Variants in ZNF827 observed in about 807,000 individuals in gnomAD.
The protein encoded by ZNF827 is zinc finger protein 827.
In ZNF827, 13 loss-of-function variants were observed where a neutral mutation model predicts 102.4. The observed-to-expected ratio is 0.13, with a 90% CI of 0.08 to 0.20. The LOEUF (loss-of-function observed/expected upper bound fraction) is 0.20. Ranked by LOEUF, ZNF827 falls within the 10% of genes least tolerant of loss-of-function variation. The probability of loss-of-function intolerance (pLI) is 1.00; values close to 1 mark genes in which losing one functional copy is unlikely to be tolerated. For synonymous variants in ZNF827, 523 were observed against 536.2 expected (o/e 0.98, Z 0.34); for missense variants, 1,103 against 1,344.4 (o/e 0.82, Z 2.81).
At chr4:145,896,770 A>G (rs1006650797) in intron 2 of ZNF827, among the ~76,000 whole-genome samples, 3 of 152,224 alleles carry the variant, frequency 2.0e-5, no homozygotes, top group Non-Finnish European at 4.4e-5. Context: ...GCTATTTCCA[A>G]AAATGAACCT....
At position 145,902,958 on chromosome 4, in the gene ZNF827, G is replaced by T. The variant is rs1335269925; in HGVS notation, c.301C>A (p.Leu101Ile). 2 of 1,614,054 alleles carry T rather than the reference G, an allele frequency of 1.2e-6. No individual in the cohort carries two copies. The change falls in exon 2 of 15, where the codon CTT becomes ATT. Residue 101 changes from leucine (L) to isoleucine (I), a missense_variant. Physicochemically the swap from Leu to Ile is conservative, Grantham distance 5. Coordinates refer to ENST00000508784, the MANE Select transcript of ZNF827 (RefSeq NM_001306215.2). The surrounding 1 kb of genome is among the most constrained non-coding windows in gnomAD (Gnocchi z 4.3). ...CACAAAGAAGACACTCCCGGGGAAA[G>T]GTGATCTTGACACTGCAGTGAGTCT... is the stretch of plus-strand genomic sequence containing the variant. ...LRDSLQCQDH[L>I]SPGVSSLCDD...
At chr4:145,924,479 A>G (rs62326216) in intron 1 of ZNF827, among the ~76,000 whole-genome samples, 22,404 of 152,214 alleles carry the variant, frequency 0.15, 1,919 homozygotes, top group South Asian at 0.23. Flanking sequence ...TTGAGGAACC[A>G]AAGAGGTAAG....
intron 8 of ZNF827, among the ~76,000 whole-genome samples, chr4:145,779,962 G>A (rs1482301998): frequency 6.6e-6 from 1 of 152,180 alleles, no homozygotes; most frequent in Non-Finnish European, 1.5e-5. Context: ...AGGCTGAGGC[G>A]AGTAGATCAC....
chr4:145,869,182 A>G (rs1748471494), intron 5 of ZNF827, among the ~76,000 whole-genome samples: 1 of 152,244 alleles, frequency 6.6e-6, no homozygotes, highest in African/African-American at 2.4e-5. Flanking sequence ...CTTTGAATTA[A>G]CATCAAAGAA....
chr4:145,874,224 G>A (rs1003257242), intron 4 of ZNF827, among the ~76,000 whole-genome samples: 1 of 152,186 alleles, frequency 6.6e-6, no homozygotes, highest in Non-Finnish European at 1.5e-5. Flanking sequence ...CACTTTAAAA[G>A]GCAATAGGCA....
chr4:145,885,031 T>C (rs1749990611), intron 4 of ZNF827, among the ~76,000 whole-genome samples: 1 of 152,068 alleles, frequency 6.6e-6, no homozygotes, highest in African/African-American at 2.4e-5. Context: ...TGGGGGTCAA[T>C]GGTTTGCACA....
chr4:145,828,554 T>A (rs1743900662), intron 7 of ZNF827, among the ~76,000 whole-genome samples: 1 of 152,194 alleles, frequency 6.6e-6, no homozygotes, highest in Non-Finnish European at 1.5e-5. Flanking sequence ...TAGCAGCATC[T>A]GGAAGTTGAT....
In ZNF827 at chr4:145,915,891, T is replaced by C. The variant is rs577054102; in HGVS notation, c.44-12676A>G. Among the ~76,000 whole-genome samples the C allele has an allele frequency of 1.2e-4, 18 of 152,346 alleles. No homozygotes were observed. The South Asian group carries it at 3.7e-3, about 32-fold the overall frequency. On this transcript the variant is annotated intron_variant, in intron 1 of 14. Transcript: ENST00000508784. Reference sequence around the variant, plus strand: ...GACAGGCATAGAATAGGCATTCTCATTCCAAAGGGAGACATAGGCAAGAGA... The same window carrying C: ...GACAGGCATAGAATAGGCATTCTCACTCCAAAGGGAGACATAGGCAAGAGA...
intron 11 of ZNF827, among the ~76,000 whole-genome samples, chr4:145,768,359 T>G (rs1735640966): frequency 2.0e-5 from 3 of 152,112 alleles, no homozygotes; most frequent in African/African-American, 7.2e-5. Flanking sequence ...GAGACAGGGT[T>G]TCACCATGTT....
chr4:145,870,644 A>T, intron 4 of ZNF827, 166 bp from the exon 5 acceptor site: 1 of 588,994 alleles, frequency 1.7e-6, no homozygotes, highest in Non-Finnish European at 3.0e-6. Context: ...CACACAATAC[A>T]CTCCATGGGC....
intron 7 of ZNF827, 62 bp from the exon 8 acceptor site, chr4:145,823,587 C>A: frequency 8.7e-7 from 1 of 1,148,610 alleles, no homozygotes; most frequent in Admixed American, 1.7e-5. Flanking sequence ...ACCCAGAGCA[C>A]CTGGTCCCAA....
At chr4:145,787,047 A>G (rs750541352) in intron 8 of ZNF827, among the ~76,000 whole-genome samples, 24 of 152,174 alleles carry the variant, frequency 1.6e-4, no homozygotes, top group Non-Finnish European at 3.2e-4. Flanking sequence ...TAGGCTCCCT[A>G]TGACCACCTC....
At chr4:145,804,300 A>C (rs1741195186) in intron 8 of ZNF827, among the ~76,000 whole-genome samples, 1 of 152,208 alleles carries the variant, frequency 6.6e-6, no homozygotes, top group South Asian at 2.1e-4. Context: ...GCATTAAGTA[A>C]TCAACCTCAT....
rs749711580 is a variant in ZNF827, at chr4:145,902,810, A to G, written c.449T>C (p.Val150Ala). ...ANGRVESPVNVGSNLSFSPPS... is the reference protein window; with the variant it reads ...ANGRVESPVNAGSNLSFSPPS... Reference sequence around the variant, plus strand: ...CGGGGAAAAGGAGAGGTTCGAGCCAACGTTTACGGGGGACTCCACTCTGCC... The same window carrying G: ...CGGGGAAAAGGAGAGGTTCGAGCCAGCGTTTACGGGGGACTCCACTCTGCC... Residue 150 changes from valine (V) to alanine (A), a missense_variant, in exon 2 of 15, where the codon GTT becomes GCT. Around this residue, in one of 5 missense-constraint regions of ZNF827, gnomAD observed 441 missense variants for 458.6 expected, o/e 0.96. Coordinates refer to ENST00000508784, the MANE Select transcript of ZNF827 (RefSeq NM_001306215.2). The surrounding 1 kb of genome is among the most constrained non-coding windows in gnomAD (Gnocchi z 4.3). 2.0e-5 allele frequency: 32 copies of G among 1,614,014 alleles called. No individual in the cohort carries two copies. Among genetic ancestry groups the G allele is most frequent in the Non-Finnish European group, 2.4e-5 (28 of 1,180,030 alleles).
chr4:145,781,916 A>G (rs1029654015), intron 8 of ZNF827, among the ~76,000 whole-genome samples: 1 of 152,214 alleles, frequency 6.6e-6, no homozygotes, highest in Non-Finnish European at 1.5e-5. Context: ...ATAGATAAGC[A>G]CCTTAATAAT....
chr4:145,843,204 T>C (rs1304673212), intron 7 of ZNF827, among the ~76,000 whole-genome samples: 11 of 142,516 alleles, frequency 7.7e-5, no homozygotes, highest in Admixed American at 2.2e-4. Flanking sequence ...GCTAATCAAG[T>C]AAGCTGCCTC....
intron 11 of ZNF827, among the ~76,000 whole-genome samples, chr4:145,769,174 C>T (rs1041322791): frequency 6.6e-6 from 1 of 151,806 alleles, no homozygotes; most frequent in Non-Finnish European, 1.5e-5. Flanking sequence ...AAATCTTGCT[C>T]CTATTAGAAC....
At chr4:145,802,876 G>C (rs892529131) in intron 8 of ZNF827, among the ~76,000 whole-genome samples, 1 of 152,162 alleles carries the variant, frequency 6.6e-6, no homozygotes, top group African/African-American at 2.4e-5. Flanking sequence ...GGAGATTGAG[G>C]CTGCAGTGAG....
At chr4:145,913,425 CAAAAAAAAA>C (rs775706430) in intron 1 of ZNF827, among the ~76,000 whole-genome samples, 1 of 73,344 alleles carries the variant, frequency 1.4e-5, no homozygotes, top group East Asian at 3.8e-4. Context: ...GACCCTGTCT[CAAAAAAAAA>C]AAAAAAAAAA....
Sources: allele counts gnomAD v4.1 joint callset (sites outside exome capture counted in the v4.1 genomes callset), GRCh38; gene constraint gnomAD v4.1.1; regional missense constraint gnomAD v4.1.1; non-coding constraint Gnocchi (gnomAD v3.1); transcripts MANE v1.5; gene names NCBI Gene and HGNC (gene_info 2026-07-23, HGNC 2026-07-21).